The following ADGRL3 variants were observed in gnomAD, a reference collection of about 807,000 sequenced individuals.
ADGRL3 encodes calcium-independent alpha-latrotoxin receptor 3.
In ADGRL3, 62 loss-of-function variants were observed where a neutral mutation model predicts 153.5. The ratio of observed to expected loss-of-function variants is 0.40; its 90% confidence interval spans 0.33 to 0.50. ADGRL3 has a LOEUF of 0.50. ADGRL3 is among the 20% of genes least tolerant of loss of function. The pLI, the probability that ADGRL3 is intolerant of heterozygous loss-of-function variation, is 0.47. For synonymous variants in ADGRL3, 710 were observed against 672.5 expected, an observed-to-expected ratio of 1.06 and a Z score of -0.86; for missense variants, 1,641 against 1,859.4, an observed-to-expected ratio of 0.88 and a Z score of 2.16.
At chr4:62,015,867 T>C (rs912944316) in intron 21 of ADGRL3, among the ~76,000 whole-genome samples, 1 of 152,068 alleles carries the variant, frequency 6.6e-6, no homozygotes, top group East Asian at 1.9e-4. Flanking sequence ...GTTACCTCTC[T>C]GTTAATTTTT....
At chr4:61,417,055 C>G (rs183340685) in intron 2 of ADGRL3, among the ~76,000 whole-genome samples, 1 of 152,182 alleles carries the variant, frequency 6.6e-6, no homozygotes, top group East Asian at 1.9e-4. Flanking sequence ...CTGTGAGAAT[C>G]TAATGCCACT....
At chr4:61,684,102 C>T (rs1580267032) in intron 6 of ADGRL3, among the ~76,000 whole-genome samples, 1 of 152,216 alleles carries the variant, frequency 6.6e-6, no homozygotes, top group East Asian at 1.9e-4. Context: ...CATAGATGGG[C>T]AAGGCAGAAA....
At chr4:61,485,351 CT>C in intron 2 of ADGRL3, among the ~76,000 whole-genome samples, 1 of 152,156 alleles carries the variant, frequency 6.6e-6, no homozygotes, top group South Asian at 2.1e-4. Context: ...TACAGATATC[CT>C]TTTTATGTAA....
intron 8 of ADGRL3, among the ~76,000 whole-genome samples, chr4:61,782,824 C>T (rs1006497139): frequency 8.5e-5 from 13 of 152,112 alleles, no homozygotes; most frequent in Admixed American, 6.5e-5. Context: ...CTTTCTAGCC[C>T]AGAAATATTG....
At chr4:61,904,545 AT>A (rs1242485148) in intron 11 of ADGRL3, among the ~76,000 whole-genome samples, 2 of 152,138 alleles carry the variant, frequency 1.3e-5, no homozygotes, top group African/African-American at 2.4e-5. Context: ...AAAATGTTTA[AT>A]TTTTTACTAC....
At chr4:61,644,360 T>C (rs556035451) in intron 5 of ADGRL3, among the ~76,000 whole-genome samples, 31 of 152,034 alleles carry the variant, frequency 2.0e-4, no homozygotes, top group Middle Eastern at 3.4e-3. Flanking sequence ...CTTGCTTTTC[T>C]AGTTCTTTTA....
intron 3 of ADGRL3, among the ~76,000 whole-genome samples, chr4:61,502,973 A>G (rs2098402175): frequency 6.6e-6 from 1 of 152,204 alleles, no homozygotes; most frequent in Non-Finnish European, 1.5e-5. Flanking sequence ...CAAATACATT[A>G]TACAGAAAAA....
At chr4:61,335,322 C>T (rs2095653542) in intron 1 of ADGRL3, among the ~76,000 whole-genome samples, 2 of 152,046 alleles carry the variant, frequency 1.3e-5, no homozygotes, top group Admixed American at 6.6e-5. Flanking sequence ...TAAGATTATT[C>T]AGGTTTTAAA....
intron 1 of ADGRL3, among the ~76,000 whole-genome samples, chr4:61,226,205 A>G (rs569541292): frequency 3.7e-4 from 56 of 152,282 alleles, no homozygotes; most frequent in African/African-American, 1.3e-3. Flanking sequence ...TCCATCAGAC[A>G]TTAGCACAGT....
chr4:61,933,651 G>A (rs1233289373), intron 13 of ADGRL3, among the ~76,000 whole-genome samples: 1 of 152,126 alleles, frequency 6.6e-6, no homozygotes, highest in Non-Finnish European at 1.5e-5. Flanking sequence ...GTATCAAAAG[G>A]CAAATTAGTT....
rs139214450 is a variant in ADGRL3, at chr4:61,703,094, G to T, written c.583+26159G>T. 5.9e-3 allele frequency among the ~76,000 whole-genome samples: 904 copies of T among 151,976 alleles called. 7 individuals are homozygous for T. The highest frequency in any genetic ancestry group is 0.021 in the African/African-American group (861 of 41,470). Reference sequence around the variant, plus strand: ...CCCTTGTTTCTCCATAACCTCCTTTGTATTTTATTATACTATTTGTGAAGT... The same window carrying T: ...CCCTTGTTTCTCCATAACCTCCTTTTTATTTTATTATACTATTTGTGAAGT... On this transcript the variant is annotated intron_variant, in intron 6 of 26. Coordinates refer to ENST00000683033, the MANE Select transcript of ADGRL3 (RefSeq NM_001387552.1).
chr4:61,855,323 T>G (rs1275810967), intron 9 of ADGRL3, among the ~76,000 whole-genome samples: 1 of 152,084 alleles, frequency 6.6e-6, no homozygotes, highest in Non-Finnish European at 1.5e-5. Flanking sequence ...GAAAAAGAAA[T>G]AAAATTAAGA....
intron 5 of ADGRL3, among the ~76,000 whole-genome samples, chr4:61,622,276 T>TA (rs903418173): frequency 1.3e-5 from 2 of 152,136 alleles, no homozygotes; most frequent in African/African-American, 2.4e-5. Context: ...ACTATTCTAT[T>TA]AAAAAAAGAG....
chr4:61,861,199 G>A (rs938418374), intron 9 of ADGRL3, among the ~76,000 whole-genome samples: 8 of 152,080 alleles, frequency 5.3e-5, no homozygotes, highest in African/African-American at 1.4e-4. Flanking sequence ...TTAAAAGCAA[G>A]GATTTGGAAA....
intron 6 of ADGRL3, among the ~76,000 whole-genome samples, chr4:61,685,401 A>G (rs1226697847): frequency 6.6e-6 from 1 of 152,144 alleles, no homozygotes; most frequent in East Asian, 1.9e-4. Flanking sequence ...TATCAAAGTT[A>G]ATGTTAAAAA....
At chr4:61,743,979 A>G (rs112769727) in intron 8 of ADGRL3, among the ~76,000 whole-genome samples, 13,153 of 152,148 alleles carry the variant, frequency 0.086, 1,187 homozygotes, top group African/African-American at 0.23. Flanking sequence ...GGTTACAGAC[A>G]GCACCTGGAA....
rs138352882 is a variant in ADGRL3 at position 61,347,544 on chromosome 4, G to A, written c.-239-35580G>A. ...GAAAGCAAATGCAATGTATGCCTACGTTAACCCCCCTTCCCTCTGGCCTCA... is the reference window on the plus strand; with the variant it reads ...GAAAGCAAATGCAATGTATGCCTACATTAACCCCCCTTCCCTCTGGCCTCA... On this transcript the variant is annotated intron_variant, in intron 1 of 26. Transcript: ENST00000683033. Among the ~76,000 whole-genome samples the A allele has an allele frequency of 5.9e-5, 9 of 152,148 alleles. No individual in the cohort carries two copies. In the East Asian group the frequency reaches 1.7e-3, roughly 29 times the overall value.
At chr4:62,060,772 A>G (rs1344356253) in intron 25 of ADGRL3, among the ~76,000 whole-genome samples, 2 of 151,840 alleles carry the variant, frequency 1.3e-5, no homozygotes, top group Non-Finnish European at 2.9e-5. Context: ...TTTCTCATAA[A>G]ATACCATATA....
intron 2 of ADGRL3, among the ~76,000 whole-genome samples, chr4:61,479,864 C>G (rs2098113565): frequency 1.3e-5 from 2 of 151,976 alleles, no homozygotes. Flanking sequence ...ATTTTTAAAA[C>G]AATTTTAAGC....
Sources: allele counts gnomAD v4.1 joint callset (sites outside exome capture counted in the v4.1 genomes callset), GRCh38; gene constraint gnomAD v4.1.1; transcripts MANE v1.5; gene names NCBI Gene and HGNC (gene_info 2026-07-23, HGNC 2026-07-21).